Variants in PIWIL2 observed in about 807,000 individuals in gnomAD.
The protein encoded by PIWIL2 is piwi-like protein 2.
A neutral mutation model predicts 116.5 loss-of-function variants in PIWIL2; 81 were observed. The observed-to-expected ratio is 0.70, with a 90% CI of 0.58 to 0.84. PIWIL2 has a LOEUF of 0.84. Ranked by LOEUF, PIWIL2 falls within the 40% of genes least tolerant of loss-of-function variation. The pLI is 0.00. For synonymous variants in PIWIL2, 489 were observed against 429.5 expected (o/e 1.14, Z -1.71); for missense variants, 1,272 against 1,212.3 (o/e 1.05, Z -0.73).
chr8:22,303,257 A>G (rs1586558072), intron 10 of PIWIL2, among the ~76,000 whole-genome samples: 1 of 152,356 alleles, frequency 6.6e-6, no homozygotes, highest in South Asian at 2.1e-4. Flanking sequence ...TGTAAGTAAC[A>G]ATGAAAATGG....
intron 20 of PIWIL2, among the ~76,000 whole-genome samples, chr8:22,343,770 G>T (rs182235104): frequency 6.6e-6 from 1 of 152,294 alleles, no homozygotes; most frequent in African/African-American, 2.4e-5. Flanking sequence ...CCATAGGAAC[G>T]CTCACTCACG....
chr8:22,334,166 G>T (rs1831926077), intron 20 of PIWIL2, among the ~76,000 whole-genome samples: 1 of 151,594 alleles, frequency 6.6e-6, no homozygotes, highest in Admixed American at 6.6e-5. Flanking sequence ...GTATAGATGG[G>T]GTTTCATCAT....
chr8:22,301,348 GA>G (rs1299690732), intron 10 of PIWIL2, among the ~76,000 whole-genome samples: 2 of 151,218 alleles, frequency 1.3e-5, no homozygotes, highest in African/African-American at 4.9e-5. Flanking sequence ...ACCCAGGATG[GA>G]GTGCAGTGGC....
chr8:22,344,209 A>G (rs982627859), intron 20 of PIWIL2, among the ~76,000 whole-genome samples: 7 of 152,208 alleles, frequency 4.6e-5, no homozygotes, highest in Admixed American at 2.0e-4. Context: ...GTGGCTGTCA[A>G]GGGTTTGGAA....
At position 22,289,895 on chromosome 8, in the gene PIWIL2, C is replaced by T. The variant is rs1285204688; in HGVS notation, c.1035C>T (p.Asp345=). 4.3e-6 allele frequency: 7 copies of T among 1,611,902 alleles called. No individual in the cohort carries two copies. In the South Asian group the frequency reaches 7.7e-5, roughly 18 times the overall value. ...DMKLVGRNFY[D]PTSAMVLQQH... is the part of the protein sequence containing the mutation. ...AGCTTGTGGGGAGAAACTTTTATGA[C>T]CCTACAAGTGCTATGGTACTACAGC... Residue 345 remains aspartate, a synonymous_variant, in exon 9 of 23, where the codon GAC becomes GAT. Coordinates refer to ENST00000356766, the MANE Select transcript of PIWIL2 (RefSeq NM_018068.5).
intron 22 of PIWIL2, among the ~76,000 whole-genome samples, chr8:22,354,745 A>G (rs1325771248): frequency 6.6e-6 from 1 of 152,198 alleles, no homozygotes; most frequent in Non-Finnish European, 1.5e-5. Context: ...TCTTGTAAAC[A>G]AGAAATATTT....
chr8:22,290,613 A>ATTTTTTTTTT (rs34573190), intron 10 of PIWIL2, among the ~76,000 whole-genome samples: 2 of 114,098 alleles, frequency 1.8e-5, no homozygotes, highest in East Asian at 2.6e-4. Flanking sequence ...CCAATTTTTA[A>ATTTTTTTTTT]TTTTTTTTTT....
chr8:22,290,129 C>T (rs963469727), intron 9 of PIWIL2, 104 bp from the exon 10 acceptor site: 3 of 741,392 alleles, frequency 4.0e-6, no homozygotes, highest in African/African-American at 3.5e-5. Flanking sequence ...TTTCTCATTA[C>T]TATTAGGGAA....
At chr8:22,275,473 C>G (rs1055141994) in intron 1 of PIWIL2, 75 bp downstream of exon 1, 1 of 152,688 alleles carries the variant, frequency 6.5e-6, no homozygotes, top group African/African-American at 2.4e-5. Context: ...GGTTTTTGCT[C>G]AAGCACGTGG....
chr8:22,319,901 C>A (rs989510324), intron 20 of PIWIL2, among the ~76,000 whole-genome samples: 4 of 152,184 alleles, frequency 2.6e-5, no homozygotes, highest in Non-Finnish European at 5.9e-5. Flanking sequence ...CAGTTGATTC[C>A]ACCTTCTAAT....
chr8:22,340,924 G>C (rs1832094195), intron 20 of PIWIL2, among the ~76,000 whole-genome samples: 1 of 152,068 alleles, frequency 6.6e-6, no homozygotes. Flanking sequence ...TGTTGCTTAA[G>C]CTGGTCTGGA....
intron 20 of PIWIL2, among the ~76,000 whole-genome samples, chr8:22,347,391 AT>A (rs200340311): frequency 0.011 from 1,696 of 148,828 alleles, 32 homozygotes; most frequent in African/African-American, 0.04. Flanking sequence ...ATATTTTTGT[AT>A]TTTTTTAGTA....
At chr8:22,349,051 C>CTTTTTTTT (rs35385064) in intron 20 of PIWIL2, among the ~76,000 whole-genome samples, 5 of 136,796 alleles carry the variant, frequency 3.7e-5, no homozygotes, top group Admixed American at 7.6e-5. Flanking sequence ...TTTCTTTTTT[C>CTTTTTTTT]TTTTTTTTTT....
At chr8:22,317,435 C>G (rs1831487492) in intron 19 of PIWIL2, among the ~76,000 whole-genome samples, 1 of 152,070 alleles carries the variant, frequency 6.6e-6, no homozygotes, top group African/African-American at 2.4e-5. Context: ...TGGGATATTG[C>G]TAGGCATACT....
At position 22,290,357 on chromosome 8, in the gene PIWIL2, G is replaced by A. The variant is rs1199261240; in HGVS notation, c.1181+11G>A. 2 of 1,477,822 alleles carry A rather than the reference G, an allele frequency of 1.4e-6. No individual in the cohort carries two copies. 91.5% of individuals were successfully genotyped at this position (1,477,822 alleles called of 1,614,324 possible). ...TGTGCTGGATGTCATGTGAGTGAAT[G>A]GTGGGGTCTATCTTTAACATGCTGA... is the stretch of plus-strand genomic sequence containing the variant. On this transcript the variant is annotated intron_variant, in intron 10 of 22. Coordinates refer to ENST00000356766, the MANE Select transcript of PIWIL2 (RefSeq NM_018068.5).
intron 20 of PIWIL2, among the ~76,000 whole-genome samples, chr8:22,352,326 T>C (rs971723352): frequency 2.0e-5 from 3 of 152,254 alleles, no homozygotes; most frequent in East Asian, 1.9e-4. Context: ...TCAAATTGCT[T>C]CAAGCAAGCA....
chr8:22,298,803 A>G (rs116355161), intron 10 of PIWIL2, among the ~76,000 whole-genome samples: 1,711 of 152,328 alleles, frequency 0.011, 30 homozygotes, highest in African/African-American at 0.039. Context: ...CAGATGGACA[A>G]GTAGGTCAGC....
intron 20 of PIWIL2, 39 bp downstream of exon 20, chr8:22,318,314 T>C: frequency 8.2e-7 from 1 of 1,215,532 alleles, no homozygotes; most frequent in Non-Finnish European, 1.2e-6. Context: ...TGGGGTTTTT[T>C]GTTTTTTTAT....
At chr8:22,324,078 A>C (rs566061266) in intron 20 of PIWIL2, among the ~76,000 whole-genome samples, 1 of 152,152 alleles carries the variant, frequency 6.6e-6, no homozygotes, top group Non-Finnish European at 1.5e-5. Flanking sequence ...CCTGACCAAC[A>C]TGATGAAACC....
Sources: allele counts gnomAD v4.1 joint callset (sites outside exome capture counted in the v4.1 genomes callset), GRCh38; gene constraint gnomAD v4.1.1; transcripts MANE v1.5; gene names NCBI Gene and HGNC (gene_info 2026-07-23, HGNC 2026-07-21).